FANCA: variants seen among roughly 807,000 people sequenced by gnomAD.
The protein encoded by FANCA is FA complementation group A.
In FANCA, 236 loss-of-function variants were observed where a neutral mutation model predicts 194.3. That is an observed-to-expected ratio of 1.21 (90% CI 1.09 to 1.35). FANCA has a LOEUF of 1.35. Ranked by LOEUF, FANCA falls within the 40% of genes most tolerant of loss-of-function variation. The pLI is 0.00. For missense variants in FANCA, 2,628 were observed against 1,813.9 expected (o/e 1.45, Z -8.15); for synonymous variants, 1,014 against 715.8 (o/e 1.42, Z -6.65).
intron 10 of FANCA, chr16:89,798,708 C>G: frequency 7.6e-7 from 1 of 1,312,920 alleles, no homozygotes; most frequent in Non-Finnish European, 9.8e-7. Flanking sequence ...TAGGGCCAAG[C>G]TTTGCCTACT....
chr16:89,815,197 C>T (rs999831941), intron 2 of FANCA, among the ~76,000 whole-genome samples: 3 of 151,884 alleles, frequency 2.0e-5, no homozygotes, highest in Non-Finnish European at 4.4e-5. Context: ...CTACCATACC[C>T]GGCTAATTTT....
chr16:89,742,676 A>AG, intron 37 of FANCA, 124 bp downstream of exon 37: 1 of 756,146 alleles, frequency 1.3e-6, no homozygotes, highest in Middle Eastern at 2.7e-4. Flanking sequence ...AAAAAAAAAA[A>AG]GTCTTGCTCC....
At chr16:89,792,739 G>A (rs892389870) in intron 11 of FANCA, 192 bp from the exon 12 acceptor site, 9 of 549,192 alleles carry the variant, frequency 1.6e-5, no homozygotes, top group Admixed American at 5.0e-5. Flanking sequence ...CCATCAATGC[G>A]CGGAGACCGG....
In FANCA at chr16:89,771,545, G is replaced by C. The variant is rs2039325775; in HGVS notation, c.2151+133C>G. Reference sequence around the variant, plus strand: ...GCTGACCCTGGTACACCGCTGCCTGGCCCTGGAACATCTGATACGACACTA... The same window carrying C: ...GCTGACCCTGGTACACCGCTGCCTGCCCCTGGAACATCTGATACGACACTA... On this transcript the variant is annotated intron_variant, in intron 23 of 42. Coordinates refer to ENST00000389301, the MANE Select transcript of FANCA (RefSeq NM_000135.4). The C allele has an allele frequency of 2.0e-6, 2 of 1,004,900 alleles. 1 individual carries two copies. Among genetic ancestry groups the C allele is most frequent in the South Asian group, 2.9e-5 (2 of 68,774 alleles). 62.2% of individuals were successfully genotyped at this position (1,004,900 alleles called of 1,614,324 possible).
chr16:89,791,701 T>C (rs2040082105), intron 13 of FANCA, 165 bp from the exon 14 acceptor site: 2 of 1,074,030 alleles, frequency 1.9e-6, no homozygotes, highest in South Asian at 1.4e-5. Context: ...TGCAAACCAC[T>C]AGAGACCTGA....
At chr16:89,741,164 C>T (rs775736366) in intron 37 of FANCA, among the ~76,000 whole-genome samples, 1 of 152,208 alleles carries the variant, frequency 6.6e-6, no homozygotes, top group Non-Finnish European at 1.5e-5. Flanking sequence ...AGTCCCAACT[C>T]AGCATCATCT....
Position 89,738,272 on chromosome 16 carries a change from T to C in FANCA, c.*329A>G, listed in dbSNP as rs2062017167. 1.3e-6 allele frequency: 2 copies of C among 1,571,200 alleles called. No homozygotes were observed. Among genetic ancestry groups the C allele is most frequent in the South Asian group, 1.2e-5 (1 of 86,828 alleles). The stretch of plus-strand genomic sequence containing the variant: ...GGACGGCAGTGAGGATGAGCACCTC[T>C]AGCAGCCTGGACTCCGCAGTGGCTG... On this transcript the variant is annotated 3_prime_UTR_variant, in exon 43 of 43. Transcript: ENST00000389301.
Position 89,738,377 on chromosome 16 carries a change from G to C in FANCA, c.*224C>G. 3 of 1,427,434 alleles carry C rather than the reference G, an allele frequency of 2.1e-6. No individual in the cohort carries two copies. Among genetic ancestry groups the C allele is most frequent in the South Asian group, 1.4e-5 (1 of 73,582 alleles). 88.4% of individuals were successfully genotyped at this position (1,427,434 alleles called of 1,614,324 possible). A position where few individuals can be genotyped will look rare whatever the true frequency, so the allele number is the denominator to read the frequency against. ...GCCCTTGGTGCTGGAGGCGGGCTTG[G>C]TGTCCGGCTCAAGTAGCCTTCCTCT... On this transcript the variant is annotated 3_prime_UTR_variant, in exon 43 of 43. Transcript: ENST00000389301.
chr16:89,788,521 G>T (rs1308718301), intron 14 of FANCA, among the ~76,000 whole-genome samples: 1 of 151,848 alleles, frequency 6.6e-6, no homozygotes, highest in Non-Finnish European at 1.5e-5. Flanking sequence ...TAACTATCTG[G>T]ACATGGTGGC....
chr16:89,784,182 G>A (rs889173742), intron 15 of FANCA, among the ~76,000 whole-genome samples: 3 of 151,888 alleles, frequency 2.0e-5, no homozygotes, highest in Non-Finnish European at 4.4e-5. Context: ...GGGCAACACA[G>A]CAAGACCCCA....
chr16:89,788,304 T>G (rs1416135056), intron 14 of FANCA, among the ~76,000 whole-genome samples: 1 of 151,694 alleles, frequency 6.6e-6, no homozygotes. Flanking sequence ...CTACCAAAAT[T>G]ACAAAAATTA....
In FANCA at chr16:89,737,914, GAGTC is replaced by G. The variant is rs1409407108; in HGVS notation, c.*683_*686del. ...GGAGCCAAGCCTTTGCAGTAAGTGTGAGTCAGGACCCCCTCCCAGGGCTGTGGCC... is the reference window on the plus strand; with the variant it reads ...GGAGCCAAGCCTTTGCAGTAAGTGTGAGGACCCCCTCCCAGGGCTGTGGCC... On this transcript the variant is annotated 3_prime_UTR_variant, in exon 43 of 43. Coordinates refer to ENST00000389301, the MANE Select transcript of FANCA (RefSeq NM_000135.4). 5 of 1,571,482 alleles carry G rather than the reference GAGTC, an allele frequency of 3.2e-6. No individual in the cohort carries two copies. Among genetic ancestry groups the G allele is most frequent in the Non-Finnish European group, 4.3e-6 (5 of 1,171,198 alleles).
rs750773229 is a variant in FANCA at position 89,742,804 on chromosome 16, T to A, written c.3761A>T (p.Glu1254Val). 20 of 1,613,710 alleles carry A rather than the reference T, an allele frequency of 1.2e-5. No individual in the cohort carries two copies. The highest frequency in any genetic ancestry group is 1.7e-5 in the Non-Finnish European group (20 of 1,179,808). ...KQLKKLDCEREELLVFLFFFS... is the reference protein window; with the variant it reads ...KQLKKLDCERVELLVFLFFFS... ...TAAAAGAATTTCCTATCTTGCCTCC[T>A]CTCTCTCGCAGTCCAGCTTCTTTAG... is the stretch of plus-strand genomic sequence containing the variant. The change falls in exon 37 of 43, where the codon GAG (glutamate) becomes GTG (valine). Residue 1254 changes from glutamate to valine, a missense_variant. Physicochemically the swap from Glu to Val is moderately radical, Grantham distance 121 (BLOSUM62 -2). Transcript: ENST00000389301.
intron 27 of FANCA, among the ~76,000 whole-genome samples, chr16:89,765,777 C>G (rs902571216): frequency 1.6e-4 from 24 of 152,230 alleles, no homozygotes; most frequent in African/African-American, 5.8e-4. Flanking sequence ...GGGAACCACG[C>G]TGCCCTCTCC....
intron 33 of FANCA, 119 bp from the exon 34 acceptor site, chr16:89,747,009 C>A (rs2038414275): frequency 2.0e-6 from 2 of 977,832 alleles, no homozygotes; most frequent in South Asian, 1.4e-5. Context: ...TTGGCGTGGC[C>A]ACCATGGATG....
chr16:89,791,391 C>A lies in FANCA; in HGVS notation c.1359+12G>T, dbSNP rs781159126. On this transcript the variant is annotated intron_variant, in intron 14 of 42. Transcript: ENST00000389301. ...GATCAGGTATTAGGTAGCCGATTGGCAGGTCACTTACCTTGAACCAGTCTG... is the reference window on the plus strand; with the variant it reads ...GATCAGGTATTAGGTAGCCGATTGGAAGGTCACTTACCTTGAACCAGTCTG... 6.2e-7 allele frequency: 1 copy of A among 1,613,260 alleles called. No individual in the cohort carries two copies. Among genetic ancestry groups the A allele is most frequent in the South Asian group, 1.1e-5 (1 of 90,950 alleles).
chr16:89,803,234 C>CTCTT (rs1340390317), intron 8 of FANCA, 25 bp downstream of exon 8: 1 of 1,609,204 alleles, frequency 6.2e-7, no homozygotes, highest in Non-Finnish European at 8.5e-7. Context: ...TTCCGCTAAA[C>CTCTT]TCTTCACTTG....
chr16:89,770,316 C>A, intron 24 of FANCA, 57 bp from the exon 25 acceptor site: 1 of 1,425,916 alleles, frequency 7.0e-7, no homozygotes, highest in Non-Finnish European at 9.7e-7. Flanking sequence ...CACATCCCTC[C>A]AACAGCTAAT....
At chr16:89,763,247 CA>C (rs59277049) in intron 28 of FANCA, among the ~76,000 whole-genome samples, 68,499 of 148,460 alleles carry the variant, frequency 0.46, 17,684 homozygotes, top group East Asian at 0.75. Flanking sequence ...ATTCCATCTC[CA>C]AAAAAAAAAA....
Sources: gnomAD v4.1 joint callset for allele counts (sites outside exome capture counted in the v4.1 genomes callset) on GRCh38, gnomAD v4.1.1 for gene constraint, MANE v1.5 for transcripts, NCBI Gene and HGNC (gene_info 2026-07-23, HGNC 2026-07-21) for gene names.